Variants in KHDC1 observed in about 807,000 individuals in gnomAD.
The protein encoded by KHDC1 is KH domain containing 1.
In KHDC1, 21 loss-of-function variants were observed where a neutral mutation model predicts 24.7. The ratio of observed to expected loss-of-function variants is 0.85; its 90% CI spans 0.60 to 1.23. The LOEUF is 1.23. Among genes scored for constraint, KHDC1 ranks in the 50% most tolerant of loss-of-function variants. The pLI is 0.00. For synonymous variants in KHDC1, 98 were observed against 111.7 expected (o/e 0.88, Z 0.77); for missense variants, 274 against 298.5 (o/e 0.92, Z 0.61).
At chr6:73,294,148 A>C (rs1767717277) in intron 1 of KHDC1, among the ~76,000 whole-genome samples, 1 of 152,110 alleles carries the variant, frequency 6.6e-6, no homozygotes, top group Admixed American at 6.6e-5. Flanking sequence ...TCTTCTGCCC[A>C]CTTTTACTTT....
intron 2 of KHDC1, chr6:73,274,908 C>T (rs1767252222): frequency 6.6e-6 from 1 of 152,474 alleles, no homozygotes; most frequent in African/African-American, 2.4e-5. Flanking sequence ...CTGCTGAGGC[C>T]TTGTACTGGC....
At chr6:73,294,755 G>A (rs1767729031) in intron 1 of KHDC1, among the ~76,000 whole-genome samples, 1 of 152,148 alleles carries the variant, frequency 6.6e-6, no homozygotes, top group Non-Finnish European at 1.5e-5. Flanking sequence ...AGTGTTGGAG[G>A]TGGGGCCTCA....
exon 1 of KHDC1, chr6:73,309,916 G>T (rs1020106391): frequency 7.3e-6 from 4 of 545,868 alleles, no homozygotes; most frequent in Admixed American, 8.0e-5. Context: ...ACGCGCCACC[G>T]CGAGAAGTGG....
intron 2 of KHDC1, among the ~76,000 whole-genome samples, chr6:73,247,306 T>A (rs923494681): frequency 3.3e-5 from 5 of 152,040 alleles, no homozygotes; most frequent in African/African-American, 1.2e-4. Context: ...GTAGTAGTGG[T>A]TGAAATGTAT....
intron 1 of KHDC1, among the ~76,000 whole-genome samples, chr6:73,307,896 T>C (rs919295980): frequency 3.3e-5 from 5 of 151,810 alleles, no homozygotes; most frequent in Admixed American, 3.3e-4. Flanking sequence ...ACAGAGTTTG[T>C]TGTTGTTGTT....
At chr6:73,286,018 C>T (rs1767512710) in intron 2 of KHDC1, among the ~76,000 whole-genome samples, 2 of 152,086 alleles carry the variant, frequency 1.3e-5, no homozygotes. Flanking sequence ...AGGGAAAGGA[C>T]AAAGGGGAAA....
At chr6:73,241,549 A>T in exon 5 of KHDC1, 1 of 1,614,086 alleles carries the variant, frequency 6.2e-7, no homozygotes, top group South Asian at 1.1e-5. Flanking sequence ...AGTGAACTCA[A>T]ATGGAAACCC....
chr6:73,270,406 G>A (rs1332150133), intron 2 of KHDC1: 2 of 152,028 alleles, frequency 1.3e-5, no homozygotes, highest in African/African-American at 4.8e-5. Flanking sequence ...AGGAGGCAGA[G>A]GTTGCAGTGA....
intron 2 of KHDC1, among the ~76,000 whole-genome samples, chr6:73,260,128 C>T (rs1400145896): frequency 3.3e-5 from 5 of 152,030 alleles, no homozygotes; most frequent in Non-Finnish European, 4.4e-5. Context: ...CTTTAGAGTC[C>T]GCTATTGTGC....
In KHDC1 at chr6:73,290,361, G is replaced by A. The variant is rs1767623750; in HGVS notation, c.206+1637C>T. 5 of 291,190 alleles carry A rather than the reference G, an allele frequency of 1.7e-5. No homozygotes were observed. In the South Asian group the frequency reaches 1.8e-4, roughly 11 times the overall value. The allele number at this position is 291,190 out of a possible 1,614,324, so 18.0% of individuals were successfully genotyped here. The stretch of plus-strand genomic sequence containing the variant: ...CCATACAGTGTTGTTCTGGATTCCT[G>A]TTGTAACTTAAAGGGAAACTTTCAC... On this transcript the variant is annotated intron_variant, in intron 2 of 4. Coordinates refer to ENST00000370384, the Ensembl canonical transcript of KHDC1.
chr6:73,245,678 A>G (rs1313540874), intron 2 of KHDC1, among the ~76,000 whole-genome samples: 1 of 152,184 alleles, frequency 6.6e-6, no homozygotes. Context: ...TTCATTTGGT[A>G]CAGCAAGTGT....
chr6:73,284,040 C>T (rs942409372), intron 2 of KHDC1, among the ~76,000 whole-genome samples: 5 of 151,950 alleles, frequency 3.3e-5, no homozygotes, highest in African/African-American at 1.2e-4. Context: ...GCCAAACTAA[C>T]CTTGGGAGGA....
chr6:73,248,736 C>A (rs1054278225), intron 2 of KHDC1, among the ~76,000 whole-genome samples: 37 of 152,226 alleles, frequency 2.4e-4, no homozygotes, highest in African/African-American at 7.9e-4. Context: ...TATTAACCAA[C>A]AATCCAATCC....
chr6:73,290,514 CTTTT>C, intron 2 of KHDC1: 1 of 373,982 alleles, frequency 2.7e-6, no homozygotes, highest in Non-Finnish European at 5.2e-6. Context: ...ATATCATAAT[CTTTT>C]TTTTTTCTAA....
At chr6:73,247,936 T>C (rs1382888428) in intron 2 of KHDC1, among the ~76,000 whole-genome samples, 1 of 151,620 alleles carries the variant, frequency 6.6e-6, no homozygotes, top group African/African-American at 2.4e-5. Context: ...TCACACTTGC[T>C]GCTTCCCTCA....
intron 2 of KHDC1, among the ~76,000 whole-genome samples, chr6:73,244,315 C>G (rs1020895471): frequency 6.6e-6 from 1 of 152,054 alleles, no homozygotes; most frequent in Non-Finnish European, 1.5e-5. Context: ...AAAATTAATT[C>G]TTCAACATGT....
At chr6:73,294,887 C>G (rs931224088) in intron 1 of KHDC1, among the ~76,000 whole-genome samples, 5 of 152,114 alleles carry the variant, frequency 3.3e-5, no homozygotes, top group African/African-American at 4.8e-5. Flanking sequence ...TGTGGCATGG[C>G]TCACACCTGT....
intron 2 of KHDC1, among the ~76,000 whole-genome samples, chr6:73,285,649 C>CTTTTTTTTTTTTTT (rs539979246): frequency 1.5e-5 from 2 of 130,072 alleles, no homozygotes; most frequent in Admixed American, 7.9e-5. Flanking sequence ...TCTTTTTTTT[C>CTTTTTTTTTTTTTT]TTTTTTTTTT....
At chr6:73,285,627 C>A (rs56725125) in intron 2 of KHDC1, among the ~76,000 whole-genome samples, 2 of 151,354 alleles carry the variant, frequency 1.3e-5, no homozygotes, top group Non-Finnish European at 1.5e-5. Flanking sequence ...AGTCACTGTG[C>A]CCGGCCCATT....
Sources: allele counts gnomAD v4.1 joint callset (sites outside exome capture counted in the v4.1 genomes callset), GRCh38; gene constraint gnomAD v4.1.1; transcripts MANE v1.5; gene names NCBI Gene and HGNC (gene_info 2026-07-23, HGNC 2026-07-21).